The following CNOT6L variants were observed in gnomAD, a reference collection of about 807,000 sequenced individuals.
CNOT6L encodes CCR4-NOT transcription complex subunit 6 like, also known as CCR4-NOT transcription complex subunit 6-like.
In CNOT6L, 7 loss-of-function variants were observed where a neutral mutation model predicts 64.0. The ratio of observed to expected loss-of-function variants is 0.11; its 90% confidence interval spans 0.06 to 0.21. The LOEUF (loss-of-function observed/expected upper bound fraction) is 0.21. Ranked by LOEUF, CNOT6L falls within the 10% of genes least tolerant of loss-of-function variation. The pLI is 1.00. For synonymous variants in CNOT6L, 193 were observed against 243.4 expected, an observed-to-expected ratio of 0.79 and a Z score of 1.93; for missense variants, 245 against 669.0, an observed-to-expected ratio of 0.37 and a Z score of 6.99.
intron 1 of CNOT6L, among the ~76,000 whole-genome samples, chr4:77,797,051 G>A (rs11932644): frequency 0.065 from 9,104 of 139,200 alleles, 432 homozygotes; most frequent in African/African-American, 0.13. Context: ...CCGCTGCAGT[G>A]AGCCGTGATG....
chr4:77,762,911 C>T (rs939802685), intron 4 of CNOT6L, among the ~76,000 whole-genome samples: 2 of 152,092 alleles, frequency 1.3e-5, no homozygotes, highest in Non-Finnish European at 2.9e-5. Context: ...CTGAACTATA[C>T]ACCAAAGAGG....
At position 77,716,167 on chromosome 4, in the gene CNOT6L, G is replaced by T. The variant is rs2109830721; in HGVS notation, c.*4264C>A. On this transcript the variant is annotated 3_prime_UTR_variant, in exon 12 of 12. Transcript: ENST00000504123. ...GAAAAAGAATATCTCATCAATGTGAGAATTCACATTTCTGTCAAAATGTAA... is the reference window on the plus strand; with the variant it reads ...GAAAAAGAATATCTCATCAATGTGATAATTCACATTTCTGTCAAAATGTAA... 6.6e-6 allele frequency: 1 copy of T among 152,126 alleles called. No homozygotes were observed. The highest frequency in any genetic ancestry group is 1.9e-4 in the East Asian group (1 of 5,166). The allele number at this position is 152,126 out of a possible 1,614,324, so 9.4% of individuals were successfully genotyped here. A position where few individuals can be genotyped will look rare whatever the true frequency, so the allele number is the denominator to read the frequency against.
At chr4:77,783,189 A>G (rs1729080020) in intron 1 of CNOT6L, among the ~76,000 whole-genome samples, 1 of 148,564 alleles carries the variant, frequency 6.7e-6, no homozygotes, top group South Asian at 2.1e-4. Flanking sequence ...TTATAATGGC[A>G]AAGTCACTCA....
intron 9 of CNOT6L, 89 bp downstream of exon 9, chr4:77,731,298 A>G: frequency 1.5e-6 from 2 of 1,295,966 alleles, no homozygotes; most frequent in Admixed American, 4.2e-5. Context: ...TTTGCAATAA[A>G]TAACGGCAAA....
intron 1 of CNOT6L, among the ~76,000 whole-genome samples, chr4:77,784,738 C>T (rs1197453690): frequency 2.0e-5 from 3 of 152,174 alleles, no homozygotes; most frequent in African/African-American, 7.2e-5. Context: ...CCCACCTCAG[C>T]CTCCCAAAGT....
chr4:77,768,474 A>AATATATATATATATATAT (rs1193284066), intron 4 of CNOT6L, among the ~76,000 whole-genome samples: 16 of 13,022 alleles, frequency 1.2e-3, no homozygotes, highest in East Asian at 2.8e-3. Flanking sequence ...AAAATAAATA[A>AATATATATATATATATAT]ATATATATAT....
At chr4:77,784,902 CTCT>C (rs1220331327) in intron 1 of CNOT6L, among the ~76,000 whole-genome samples, 2 of 152,004 alleles carry the variant, frequency 1.3e-5, no homozygotes, top group African/African-American at 4.8e-5. Context: ...CATCTTTTAC[CTCT>C]TCTTCTGTAT....
Position 77,713,625 on chromosome 4 carries a change from A to G in CNOT6L, c.*6806T>C, listed in dbSNP as rs1720422361. The G allele has an allele frequency of 6.6e-6, 1 of 152,536 alleles. No homozygotes were observed. The highest frequency in any genetic ancestry group is 6.6e-5 in the Admixed American group (1 of 15,250). The allele number at this position is 152,536 out of a possible 1,614,324, so 9.4% of individuals were successfully genotyped here. A position where few individuals can be genotyped will look rare whatever the true frequency, so the allele number is the denominator to read the frequency against. On this transcript the variant is annotated 3_prime_UTR_variant, in exon 12 of 12. Transcript: ENST00000504123. ...AGGCAGGACTGCTTTTTTTTAGTCA[A>G]TGTTCACATTAATGAAAAAATACTA...
At chr4:77,730,754 G>A (rs1443463699) in intron 9 of CNOT6L, among the ~76,000 whole-genome samples, 1 of 151,964 alleles carries the variant, frequency 6.6e-6, no homozygotes, top group Non-Finnish European at 1.5e-5. Context: ...AAAAAGTACA[G>A]GGGAAAAAAA....
At chr4:77,724,034 C>T (rs1331915110) in intron 11 of CNOT6L, among the ~76,000 whole-genome samples, 2 of 151,318 alleles carry the variant, frequency 1.3e-5, no homozygotes, top group Non-Finnish European at 2.9e-5. Flanking sequence ...CTGAGGTGGA[C>T]GGATTGCTTG....
chr4:77,813,263 A>G (rs184749406), intron 1 of CNOT6L, among the ~76,000 whole-genome samples: 1 of 147,568 alleles, frequency 6.8e-6, no homozygotes, highest in South Asian at 2.2e-4. Context: ...AGGGAAGTAA[A>G]TATCTGTGGC....
chr4:77,728,458 C>T (rs554509791), intron 10 of CNOT6L, among the ~76,000 whole-genome samples: 1 of 152,300 alleles, frequency 6.6e-6, no homozygotes, highest in African/African-American at 2.4e-5. Context: ...TCCCTGGCTC[C>T]CTTCTTTTTG....
chr4:77,742,110 T>G, intron 8 of CNOT6L, 31 bp downstream of exon 8: 1 of 1,586,268 alleles, frequency 6.3e-7, no homozygotes, highest in South Asian at 1.1e-5. Flanking sequence ...TAAATAAAAG[T>G]ACACCATTGT....
At chr4:77,787,542 A>T (rs17002804) in intron 1 of CNOT6L, among the ~76,000 whole-genome samples, 14 of 152,094 alleles carry the variant, frequency 9.2e-5, no homozygotes, top group South Asian at 2.1e-4. Flanking sequence ...ACTTACCCCC[A>T]GTTTCTCAGC....
intron 1 of CNOT6L, among the ~76,000 whole-genome samples, chr4:77,792,055 T>C (rs184598572): frequency 6.6e-6 from 1 of 152,300 alleles, no homozygotes; most frequent in Admixed American, 6.5e-5. Context: ...TGCCTAAAGG[T>C]CATTTATAAA....
At chr4:77,801,939 G>T (rs937172482) in intron 1 of CNOT6L, among the ~76,000 whole-genome samples, 3 of 152,052 alleles carry the variant, frequency 2.0e-5, no homozygotes, top group African/African-American at 7.2e-5. Flanking sequence ...AACAAGATGA[G>T]AAAAATGTAA....
intron 4 of CNOT6L, among the ~76,000 whole-genome samples, chr4:77,772,160 C>A (rs1727627555): frequency 6.6e-6 from 1 of 152,224 alleles, no homozygotes; most frequent in Non-Finnish European, 1.5e-5. Context: ...CACATCAATG[C>A]TATTTTATCT....
chr4:77,723,603 C>G, intron 11 of CNOT6L, among the ~76,000 whole-genome samples: 1 of 152,116 alleles, frequency 6.6e-6, no homozygotes, highest in East Asian at 1.9e-4. Flanking sequence ...AGTCTCTAGC[C>G]ATCCTTCCTT....
At position 77,719,929 on chromosome 4, in the gene CNOT6L, G is replaced by A. The variant is rs897682675; in HGVS notation, c.*502C>T. ...TTATGGACTGAACAAGTAAATTTAAGTACTCTGTTAATGTGCAAATGACTT... is the reference window on the plus strand; with the variant it reads ...TTATGGACTGAACAAGTAAATTTAAATACTCTGTTAATGTGCAAATGACTT... On this transcript the variant is annotated 3_prime_UTR_variant, in exon 12 of 12. Coordinates refer to ENST00000504123, the MANE Select transcript of CNOT6L (RefSeq NM_144571.3). 1.9e-5 allele frequency: 3 copies of A among 154,942 alleles called. No individual in the cohort carries two copies. Among genetic ancestry groups the A allele is most frequent in the Non-Finnish European group, 4.3e-5 (3 of 69,586 alleles). The allele number at this position is 154,942 out of a possible 1,614,324, so 9.6% of individuals were successfully genotyped here.
Sources: allele counts gnomAD v4.1 joint callset (sites outside exome capture counted in the v4.1 genomes callset), GRCh38; gene constraint gnomAD v4.1.1; transcripts MANE v1.5; gene names NCBI Gene and HGNC (gene_info 2026-07-23, HGNC 2026-07-21).